Variants in CTNNA3 observed in about 807,000 individuals in gnomAD.
CTNNA3 encodes catenin alpha 3, also known as catenin alpha-3.
CTNNA3 carries 76 observed loss-of-function variants against 95.7 expected under a neutral mutation model. That is an observed-to-expected ratio of 0.79 (90% CI 0.66 to 0.96). CTNNA3 has a LOEUF of 0.96. CTNNA3 is among the 40% of genes least tolerant of loss of function. CTNNA3 has a pLI of 0.00. For missense variants in CTNNA3, 1,191 were observed against 1,089.8 expected (o/e 1.09, Z -1.31); for synonymous variants, 431 against 374.4 (o/e 1.15, Z -1.74).
intron 13 of CTNNA3, among the ~76,000 whole-genome samples, chr10:66,113,122 A>C (rs933706491): frequency 6.6e-6 from 1 of 152,110 alleles, no homozygotes; most frequent in East Asian, 1.9e-4. Flanking sequence ...TCATATACTC[A>C]CCAACACTTA....
Position 66,360,846 on chromosome 10 carries a change from TTTC to T in CTNNA3, c.1732+18303_1732+18305del, listed in dbSNP as rs1334885487. Among the ~76,000 whole-genome samples the T allele has an allele frequency of 3.0e-5, 4 of 133,046 alleles. No individual in the cohort carries two copies. In the East Asian group the frequency reaches 7.4e-4, roughly 24 times the overall value. The allele number at this position is 133,046 out of a possible 152,430, so 87.3% of individuals were successfully genotyped here. ...CTTTCTTTCTTTCTTTCTTTCTTTC[TTTC>T]TTTCTTTCCTTTCTCTTTCTTTTTC... On this transcript the variant is annotated intron_variant, in intron 12 of 17. Transcript: ENST00000433211.
At chr10:67,523,036 T>G (rs957645672) in intron 4 of CTNNA3, among the ~76,000 whole-genome samples, 10 of 152,174 alleles carry the variant, frequency 6.6e-5, no homozygotes, top group African/African-American at 2.4e-4. Context: ...GGGAAATGAT[T>G]TGACCCTTAC....
At chr10:67,031,205 A>T (rs574531181) in intron 7 of CTNNA3, among the ~76,000 whole-genome samples, 2 of 152,306 alleles carry the variant, frequency 1.3e-5, no homozygotes, top group Non-Finnish European at 2.9e-5. Context: ...AAATTGATAT[A>T]TATGTCTATA....
chr10:67,010,662 T>G (rs1042970060), intron 7 of CTNNA3, among the ~76,000 whole-genome samples: 2 of 152,188 alleles, frequency 1.3e-5, no homozygotes, highest in Non-Finnish European at 2.9e-5. Context: ...TATCAGTAGC[T>G]GCTAGGAATT....
chr10:67,124,310 C>T (rs1219304005), intron 7 of CTNNA3, among the ~76,000 whole-genome samples: 1 of 149,178 alleles, frequency 6.7e-6, no homozygotes, highest in Non-Finnish European at 1.5e-5. Flanking sequence ...TCTCTCTCCT[C>T]CTGCGTGTAG....
chr10:66,650,558 G>A (rs1393093253), intron 9 of CTNNA3, among the ~76,000 whole-genome samples: 3 of 152,162 alleles, frequency 2.0e-5, no homozygotes, highest in African/African-American at 4.8e-5. Flanking sequence ...GAATGAAGCC[G>A]CGGACCCTCA....
At chr10:67,244,771 A>G in intron 5 of CTNNA3, among the ~76,000 whole-genome samples, 1 of 152,212 alleles carries the variant, frequency 6.6e-6, no homozygotes, top group East Asian at 1.9e-4. Flanking sequence ...AAGCTAGTCC[A>G]GAAAACCGGT....
At chr10:66,612,088 C>G (rs1162029844) in intron 10 of CTNNA3, among the ~76,000 whole-genome samples, 1 of 151,978 alleles carries the variant, frequency 6.6e-6, no homozygotes, top group Non-Finnish European at 1.5e-5. Context: ...CACTATTTTC[C>G]CAGGTACTAG....
chr10:65,975,695 C>T (rs1054611093), intron 16 of CTNNA3, among the ~76,000 whole-genome samples: 1 of 152,084 alleles, frequency 6.6e-6, no homozygotes, highest in Admixed American at 6.6e-5. Context: ...AACTTTAGTA[C>T]TCAAAGCACC....
chr10:66,925,765 C>T (rs1022021011), intron 7 of CTNNA3: 2 of 261,928 alleles, frequency 7.6e-6, no homozygotes, highest in African/African-American at 4.6e-5. Context: ...CAGAAAAACT[C>T]TGGGCAGCAC....
intron 13 of CTNNA3, among the ~76,000 whole-genome samples, chr10:66,115,723 T>A (rs10996907): frequency 0.17 from 25,730 of 152,076 alleles, 2,617 homozygotes; most frequent in South Asian, 0.38. Flanking sequence ...TTCATCTGGT[T>A]ACATTTGCAA....
chr10:65,968,115 C>A (rs909244005), intron 16 of CTNNA3, among the ~76,000 whole-genome samples: 1 of 152,136 alleles, frequency 6.6e-6, no homozygotes, highest in Non-Finnish European at 1.5e-5. Context: ...GAATGCCAGA[C>A]GCAGTGGCTC....
chr10:66,874,258 G>C (rs913319565), intron 7 of CTNNA3, among the ~76,000 whole-genome samples: 1 of 152,062 alleles, frequency 6.6e-6, no homozygotes, highest in Non-Finnish European at 1.5e-5. Flanking sequence ...CTCAGCAGCT[G>C]GAAACTCTGG....
chr10:67,061,288 C>T (rs1287311777), intron 7 of CTNNA3, among the ~76,000 whole-genome samples: 1 of 152,140 alleles, frequency 6.6e-6, no homozygotes, highest in African/African-American at 2.4e-5. Context: ...TCCTTTGCCT[C>T]CCTAAGAAGT....
chr10:67,627,956 T>A (rs186375161), intron 2 of CTNNA3, among the ~76,000 whole-genome samples: 1 of 151,874 alleles, frequency 6.6e-6, no homozygotes, highest in Admixed American at 6.6e-5. Flanking sequence ...AAAAAGCAAT[T>A]TCATATAGTT....
At chr10:67,004,679 C>T (rs534544970) in intron 7 of CTNNA3, among the ~76,000 whole-genome samples, 2 of 152,314 alleles carry the variant, frequency 1.3e-5, no homozygotes, top group African/African-American at 4.8e-5. Context: ...CTTAGTCTAA[C>T]AAATACTGCT....
intron 7 of CTNNA3, among the ~76,000 whole-genome samples, chr10:67,058,551 G>T (rs534281085): frequency 5.1e-4 from 77 of 152,232 alleles, no homozygotes; most frequent in African/African-American, 1.8e-3. Flanking sequence ...ACTGGCCCAT[G>T]AACTATATCC....
intron 1 of CTNNA3, among the ~76,000 whole-genome samples, chr10:67,741,356 A>G (rs1032448173): frequency 6.7e-6 from 1 of 148,792 alleles, no homozygotes; most frequent in African/African-American, 2.5e-5. Context: ...CAAAAAAAAA[A>G]AAAGAAAAGA....
At chr10:66,935,008 C>A (rs2132655999) in intron 7 of CTNNA3, among the ~76,000 whole-genome samples, 1 of 152,132 alleles carries the variant, frequency 6.6e-6, no homozygotes, top group East Asian at 1.9e-4. Context: ...GCTATGCTAC[C>A]TTGAGTGGTG....
Sources: allele counts gnomAD v4.1 joint callset (sites outside exome capture counted in the v4.1 genomes callset), GRCh38; gene constraint gnomAD v4.1.1; transcripts MANE v1.5; gene names NCBI Gene and HGNC (gene_info 2026-07-23, HGNC 2026-07-21).